Variants in CNTNAP4 observed in about 807,000 individuals in gnomAD.
CNTNAP4 encodes the protein contactin-associated protein-like 4.
Under a neutral mutation model 148.4 loss-of-function variants are expected in CNTNAP4, and 98 were observed. That is an observed-to-expected ratio of 0.66 (90% CI 0.56 to 0.78). CNTNAP4 has a LOEUF of 0.78. Ranked by LOEUF, CNTNAP4 falls within the 30% of genes least tolerant of loss-of-function variation. The pLI is 0.00. For synonymous variants in CNTNAP4, 730 were observed against 565.1 expected (o/e 1.29, Z -4.14); for missense variants, 1,935 against 1,565.6 (o/e 1.24, Z -3.98).
chr16:76,338,709 C>A (rs1203028876), intron 2 of CNTNAP4, among the ~76,000 whole-genome samples: 2 of 152,020 alleles, frequency 1.3e-5, no homozygotes, highest in East Asian at 1.9e-4. Flanking sequence ...AAGAACAGAC[C>A]CTGGAGACAG....
At chr16:76,372,534 G>A (rs574202163) in intron 3 of CNTNAP4, among the ~76,000 whole-genome samples, 2 of 152,164 alleles carry the variant, frequency 1.3e-5, no homozygotes, top group Admixed American at 6.5e-5. Flanking sequence ...ATTGAATCAC[G>A]TGGGCAGTTT....
chr16:76,560,181 C>T lies in CNTNAP4; in HGVS notation c.*1498C>T, dbSNP rs1173938057. ...TATACATACTCACACCTTCAAGTGC[C>T]TCCCAAGTAACTATTGGATTTCTTA... On this transcript the variant is annotated 3_prime_UTR_variant, in exon 24 of 24. Transcript: ENST00000611870. 2.6e-5 allele frequency among the ~76,000 whole-genome samples: 4 copies of T among 152,174 alleles called. No homozygotes were observed. Among genetic ancestry groups the T allele is most frequent in the African/African-American group, 9.7e-5 (4 of 41,444 alleles).
chr16:76,462,847 A>G (rs141904314), intron 9 of CNTNAP4, among the ~76,000 whole-genome samples: 721 of 152,334 alleles, frequency 4.7e-3, no homozygotes, highest in Non-Finnish European at 8.4e-3. Flanking sequence ...TGCTTATATT[A>G]GCGTTGTTTT....
chr16:76,408,805 T>A (rs907311774), intron 3 of CNTNAP4, among the ~76,000 whole-genome samples: 1 of 152,068 alleles, frequency 6.6e-6, no homozygotes, highest in Non-Finnish European at 1.5e-5. Flanking sequence ...AGAGAATTTC[T>A]TAGTAAGGAC....
chr16:76,487,137 A>T (rs1271724431), intron 12 of CNTNAP4, among the ~76,000 whole-genome samples: 1 of 152,238 alleles, frequency 6.6e-6, no homozygotes, highest in African/African-American at 2.4e-5. Flanking sequence ...TCTATTAGTT[A>T]TCTACAATGT....
At chr16:76,379,863 T>C (rs1275354201) in intron 3 of CNTNAP4, among the ~76,000 whole-genome samples, 1 of 152,218 alleles carries the variant, frequency 6.6e-6, no homozygotes, top group East Asian at 1.9e-4. Flanking sequence ...GTTAATGATA[T>C]GTGAAGGATT....
At chr16:76,481,550 C>T (rs936066024) in intron 12 of CNTNAP4, among the ~76,000 whole-genome samples, 1 of 151,754 alleles carries the variant, frequency 6.6e-6, no homozygotes, top group African/African-American at 2.4e-5. Flanking sequence ...GTCAGTCTCC[C>T]TGGCTGCATT....
chr16:76,485,399 G>C (rs933367855), intron 12 of CNTNAP4, among the ~76,000 whole-genome samples: 5 of 152,216 alleles, frequency 3.3e-5, no homozygotes, highest in Non-Finnish European at 4.4e-5. Context: ...TTGCAGGCAT[G>C]AGCCACTGTG....
At chr16:76,397,934 T>C (rs1347822158) in intron 3 of CNTNAP4, among the ~76,000 whole-genome samples, 1 of 83,414 alleles carries the variant, frequency 1.2e-5, no homozygotes, top group African/African-American at 4.3e-5. Flanking sequence ...ACAGAACTAA[T>C]AGATTATATA....
At chr16:76,392,072 C>T (rs978677158) in intron 3 of CNTNAP4, among the ~76,000 whole-genome samples, 2 of 152,292 alleles carry the variant, frequency 1.3e-5, no homozygotes, top group South Asian at 2.1e-4. Context: ...CTCACTGCAA[C>T]GAGTTCTGCC....
chr16:76,379,469 A>C (rs544177376), intron 3 of CNTNAP4, among the ~76,000 whole-genome samples: 1 of 152,210 alleles, frequency 6.6e-6, no homozygotes, highest in South Asian at 2.1e-4. Flanking sequence ...TGTTAGTTTT[A>C]TGTTCTTTTT....
At chr16:76,330,668 G>A (rs186257046) in intron 2 of CNTNAP4, among the ~76,000 whole-genome samples, 41 of 152,244 alleles carry the variant, frequency 2.7e-4, no homozygotes, top group Non-Finnish European at 4.7e-4. Context: ...TAGCTAGCCC[G>A]TCTTTGCTTA....
At chr16:76,354,373 T>C (rs1043274423) in intron 2 of CNTNAP4, among the ~76,000 whole-genome samples, 1 of 152,230 alleles carries the variant, frequency 6.6e-6, no homozygotes, top group African/African-American at 2.4e-5. Flanking sequence ...CAGTAAATTA[T>C]GCTGTGCACA....
intron 21 of CNTNAP4, among the ~76,000 whole-genome samples, chr16:76,547,089 T>C (rs1055027033): frequency 1.3e-5 from 2 of 152,210 alleles, no homozygotes; most frequent in East Asian, 1.9e-4. Flanking sequence ...TTGTTCACAA[T>C]GTACATAAAT....
intron 3 of CNTNAP4, among the ~76,000 whole-genome samples, chr16:76,371,505 G>C (rs1047375450): frequency 6.6e-6 from 1 of 152,022 alleles, no homozygotes; most frequent in Non-Finnish European, 1.5e-5. Flanking sequence ...GTCTGGTCTC[G>C]AACTCCTGAC....
At chr16:76,477,257 C>T (rs918161768) in intron 11 of CNTNAP4, among the ~76,000 whole-genome samples, 2 of 151,866 alleles carry the variant, frequency 1.3e-5, no homozygotes, top group Admixed American at 1.3e-4. Flanking sequence ...GTTGTAAGGC[C>T]CATGTTATTT....
intron 15 of CNTNAP4, among the ~76,000 whole-genome samples, chr16:76,509,570 T>G (rs1568447241): frequency 1.0e-5 from 1 of 97,388 alleles, no homozygotes; most frequent in African/African-American, 2.6e-5. Context: ...CAAAAAAAGA[T>G]TATGCGCGTT....
intron 2 of CNTNAP4, among the ~76,000 whole-genome samples, chr16:76,330,461 A>G (rs1490902171): frequency 6.6e-6 from 1 of 152,174 alleles, no homozygotes. Flanking sequence ...CCTGCTTATG[A>G]CTTTCAACCC....
At chr16:76,354,185 A>T (rs1007464385) in intron 2 of CNTNAP4, among the ~76,000 whole-genome samples, 1 of 152,220 alleles carries the variant, frequency 6.6e-6, no homozygotes, top group African/African-American at 2.4e-5. Flanking sequence ...AGAATGAGTC[A>T]AACCCTATTT....
Sources: allele counts gnomAD v4.1 joint callset (sites outside exome capture counted in the v4.1 genomes callset), GRCh38; gene constraint gnomAD v4.1.1; transcripts MANE v1.5; gene names NCBI Gene and HGNC (gene_info 2026-07-23, HGNC 2026-07-21).